Variants in MDGA2 observed in about 807,000 individuals in gnomAD.
MDGA2 encodes the protein MAM domain-containing glycosylphosphatidylinositol anchor protein 2.
A neutral mutation model predicts 117.8 loss-of-function variants in MDGA2; 40 were observed. The observed-to-expected ratio is 0.34, with a 90% CI of 0.26 to 0.44. The LOEUF (loss-of-function observed/expected upper bound fraction) is 0.44, where lower values mean the gene tolerates loss of function less well. Among genes scored for constraint, MDGA2 ranks in the 20% least tolerant of loss-of-function variants. The pLI is 1.00. For missense variants in MDGA2, 1,123 were observed against 1,250.6 expected, an observed-to-expected ratio of 0.90 and a Z score of 1.54; for synonymous variants, 452 against 439.0, an observed-to-expected ratio of 1.03 and a Z score of -0.37.
chr14:46,965,725 T>C (rs1261735960), intron 8 of MDGA2, among the ~76,000 whole-genome samples: 1 of 152,126 alleles, frequency 6.6e-6, no homozygotes, highest in Non-Finnish European at 1.5e-5. Context: ...TATGATGAAA[T>C]GTATAGTGTG....
At chr14:47,457,447 A>G (rs190379129) in intron 1 of MDGA2, among the ~76,000 whole-genome samples, 102 of 152,332 alleles carry the variant, frequency 6.7e-4, no homozygotes, top group African/African-American at 2.3e-3. Context: ...TTAAGGCATG[A>G]AGAAATTTGA....
intron 1 of MDGA2, among the ~76,000 whole-genome samples, chr14:47,543,761 G>A (rs186121307): frequency 2.0e-5 from 3 of 152,302 alleles, no homozygotes; most frequent in African/African-American, 4.8e-5. Context: ...TGTTTTGAAA[G>A]ATGCTATCTA....
intron 1 of MDGA2, among the ~76,000 whole-genome samples, chr14:47,382,760 T>G (rs759725944): frequency 3.9e-5 from 6 of 152,204 alleles, no homozygotes; most frequent in Non-Finnish European, 8.8e-5. Flanking sequence ...TTGGTGGGAC[T>G]ATAAACTAGT....
rs977197985 is a variant in MDGA2 at position 47,058,680 on chromosome 14, A to G, written c.1525+2569T>C. The G allele has an allele frequency of 1.9e-5, 19 of 985,202 alleles. No individual in the cohort carries two copies. The South Asian group carries it at 4.7e-4, about 24-fold the overall frequency. 61.0% of individuals were successfully genotyped at this position (985,202 alleles called of 1,614,324 possible). ...TACAATCTCAGATTTATAGAACTTT[A>G]TACTGCATTCTAGTATTCCACTCTA... On this transcript the variant is annotated intron_variant, in intron 7 of 16. Transcript: ENST00000399232.
intron 15 of MDGA2, among the ~76,000 whole-genome samples, chr14:46,851,761 C>T (rs987006239): frequency 1.3e-5 from 2 of 151,720 alleles, no homozygotes; most frequent in African/African-American, 4.8e-5. Context: ...CAGAAAGTTA[C>T]ATTTGAGTAA....
rs116093187 is a variant in MDGA2, at chr14:46,963,589, G to C, written c.1820-5946C>G. Among the ~76,000 whole-genome samples, 259 of 152,298 alleles carry C rather than the reference G, an allele frequency of 1.7e-3. 2 individuals are homozygous for C. The highest frequency in any genetic ancestry group is 5.9e-3 in the African/African-American group (245 of 41,560). ...GACCTCTAATTTGTTCTTTCTGCCTGAGATGTTCTTTCCTTTGGTCTTTCA... is the reference window on the plus strand; with the variant it reads ...GACCTCTAATTTGTTCTTTCTGCCTCAGATGTTCTTTCCTTTGGTCTTTCA... On this transcript the variant is annotated intron_variant, in intron 8 of 16. Coordinates refer to ENST00000399232, the MANE Select transcript of MDGA2 (RefSeq NM_001113498.3).
Position 46,957,521 on chromosome 14 carries a change from C to A in MDGA2, c.1942G>T (p.Gly648Cys). 1.2e-6 allele frequency: 2 copies of A among 1,614,066 alleles called. No individual in the cohort carries two copies. Among genetic ancestry groups the A allele is most frequent in the Non-Finnish European group, 1.7e-6 (2 of 1,180,008 alleles). Residue 648 changes from glycine (G) to cysteine (C), a missense_variant, in exon 9 of 17, where the codon GGC becomes TGC. Transcript: ENST00000399232. ...TGACCCGTCCGTAATAATTTATTGC[C>A]CAAGCGCCACTCATAGGTCAGCACC... ...IRVLTYEWRL[G>C]NKLLRTGQFD...
chr14:46,912,452 T>C (rs1399510119), intron 10 of MDGA2, among the ~76,000 whole-genome samples: 1 of 152,140 alleles, frequency 6.6e-6, no homozygotes, highest in Non-Finnish European at 1.5e-5. Flanking sequence ...GAAGAAAAAG[T>C]GTTCACCCAA....
intron 1 of MDGA2, among the ~76,000 whole-genome samples, chr14:47,605,842 T>C (rs72670783): frequency 0.19 from 28,684 of 151,956 alleles, 3,126 homozygotes; most frequent in East Asian, 0.55. Context: ...CCCCCAGTAA[T>C]CCAATTCCTT....
chr14:47,319,261 C>T (rs1363164090), intron 1 of MDGA2, among the ~76,000 whole-genome samples: 2 of 152,048 alleles, frequency 1.3e-5, no homozygotes, highest in Non-Finnish European at 2.9e-5. Flanking sequence ...TTGTAAATAA[C>T]ATCCTTGAGT....
chr14:47,014,321 T>C (rs935118494), intron 8 of MDGA2, among the ~76,000 whole-genome samples: 7 of 152,160 alleles, frequency 4.6e-5, no homozygotes, highest in East Asian at 1.9e-4. Context: ...CAAATGAGCA[T>C]TGGCTTCAAC....
chr14:47,256,820 G>T (rs1887635938), intron 2 of MDGA2, among the ~76,000 whole-genome samples: 1 of 150,536 alleles, frequency 6.6e-6, no homozygotes, highest in Non-Finnish European at 1.5e-5. Context: ...AAGGAAGGAA[G>T]AAAGGAAAGA....
chr14:47,432,548 A>G (rs2138529892), intron 1 of MDGA2, among the ~76,000 whole-genome samples: 1 of 152,210 alleles, frequency 6.6e-6, no homozygotes, highest in African/African-American at 2.4e-5. Flanking sequence ...AAAACAGGAT[A>G]GGATCTCAGT....
At chr14:47,362,273 A>G (rs951465730) in intron 1 of MDGA2, among the ~76,000 whole-genome samples, 11 of 152,162 alleles carry the variant, frequency 7.2e-5, no homozygotes, top group Admixed American at 7.2e-4. Context: ...CTCCACATAC[A>G]TATTAAAATG....
chr14:47,113,314 C>CCAA (rs1325281782), intron 5 of MDGA2, among the ~76,000 whole-genome samples: 4 of 151,822 alleles, frequency 2.6e-5, no homozygotes, highest in East Asian at 3.9e-4. Flanking sequence ...AAATAGCCTA[C>CCAA]CAACAACAAC....
At chr14:47,523,279 C>T (rs557887334) in intron 1 of MDGA2, among the ~76,000 whole-genome samples, 8 of 152,144 alleles carry the variant, frequency 5.3e-5, no homozygotes, top group East Asian at 1.9e-4. Flanking sequence ...GTAAAACCTA[C>T]GTTAATTAGA....
intron 2 of MDGA2, among the ~76,000 whole-genome samples, chr14:47,287,879 C>A (rs1337811565): frequency 2.6e-5 from 4 of 152,074 alleles, no homozygotes; most frequent in African/African-American, 9.7e-5. Flanking sequence ...CATGTGAAGA[C>A]AAGCATGTGA....
At chr14:46,936,922 C>T (rs970324812) in intron 9 of MDGA2, among the ~76,000 whole-genome samples, 7 of 151,782 alleles carry the variant, frequency 4.6e-5, no homozygotes, top group African/African-American at 1.7e-4. Flanking sequence ...TTATTCAACG[C>T]AGTACTAGAT....
chr14:47,609,456 T>TATATATAG (rs1555336059), intron 1 of MDGA2, among the ~76,000 whole-genome samples: 1 of 110,152 alleles, frequency 9.1e-6, no homozygotes, highest in Non-Finnish European at 1.9e-5. Context: ...TATATATATA[T>TATATATAG]ATATATATAA....
Sources: gnomAD v4.1 joint callset for allele counts (sites outside exome capture counted in the v4.1 genomes callset) on GRCh38, gnomAD v4.1.1 for gene constraint, MANE v1.5 for transcripts, NCBI Gene and HGNC (gene_info 2026-07-23, HGNC 2026-07-21) for gene names.